Variants in CRHR2 observed in about 807,000 individuals in gnomAD.
The protein encoded by CRHR2 is corticotropin-releasing hormone receptor 2.
A neutral mutation model predicts 57.9 loss-of-function variants in CRHR2; 53 were observed. The ratio of observed to expected loss-of-function variants is 0.92; its 90% CI spans 0.73 to 1.15. CRHR2 has a LOEUF of 1.15. Among genes scored for constraint, CRHR2 ranks in the 50% most tolerant of loss-of-function variants. The probability of loss-of-function intolerance (pLI) is 0.00; values close to 1 mark genes in which losing one functional copy is unlikely to be tolerated. For synonymous variants in CRHR2, 213 were observed against 220.9 expected, an observed-to-expected ratio of 0.96 and a Z score of 0.32; for missense variants, 532 against 542.6, an observed-to-expected ratio of 0.98 and a Z score of 0.19.
chr7:30,672,324 C>T (rs550423842), intron 2 of CRHR2, among the ~76,000 whole-genome samples: 219 of 152,348 alleles, frequency 1.4e-3, no homozygotes, highest in African/African-American at 5.1e-3. Context: ...CTTTCCTAAC[C>T]AGCCCAGGTT....
Position 30,660,595 on chromosome 7 carries a change from C to A in CRHR2, c.809G>T (p.Gly270Val), listed in dbSNP as rs924774626. ...TACCAGGAGCACGAGAATGATGGGG[C>A]CTTGGTAGATGTAGTCCACCAGGTC... ...PGDLVDYIYQ[G>V]PIILVLLINF... is the part of the protein sequence containing the mutation. Residue 270 changes from glycine to valine, a missense_variant, in exon 8 of 12, where the codon GGC (glycine) becomes GTC (valine). Coordinates refer to ENST00000471646, the MANE Select transcript of CRHR2 (RefSeq NM_001883.5). The A allele has an allele frequency of 1.3e-6, 2 of 1,569,904 alleles. No homozygotes were observed. The highest frequency in any genetic ancestry group is 3.7e-5 in the Admixed American group (2 of 53,412).
intron 5 of CRHR2, 89 bp downstream of exon 5, chr7:30,664,981 G>A: frequency 9.9e-7 from 1 of 1,014,998 alleles, no homozygotes; most frequent in Non-Finnish European, 1.6e-6. Context: ...TGACAAAGGA[G>A]GGGTCCAAGC....
chr7:30,667,732 C>A (rs946586949), intron 2 of CRHR2, among the ~76,000 whole-genome samples: 1 of 152,172 alleles, frequency 6.6e-6, no homozygotes, highest in African/African-American at 2.4e-5. Flanking sequence ...TAATAGCTAC[C>A]ATTTATATAG....
chr7:30,659,849 A>G (rs1257685902), intron 8 of CRHR2, among the ~76,000 whole-genome samples: 1 of 152,250 alleles, frequency 6.6e-6, no homozygotes, highest in Non-Finnish European at 1.5e-5. Flanking sequence ...AAGCTGGTAC[A>G]TACAGGAGCC....
In CRHR2 at chr7:30,653,749, C is replaced by T. The variant is rs1783672358; in HGVS notation, c.1096-149G>A. ...TTCCAAAACAGGTCCTTCCCTGATG[C>T]TGTTGCCTCTCTCCAGGGGCCTCTT... is the stretch of plus-strand genomic sequence containing the variant. On this transcript the variant is annotated intron_variant, in intron 11 of 11. Transcript: ENST00000471646. This position sits in a 1 kb window ranked among gnomAD's most constrained non-coding sequence, Gnocchi z 5.0. 1.5e-5 allele frequency: 14 copies of T among 934,976 alleles called. No individual in the cohort carries two copies. In the East Asian group the frequency reaches 1.9e-4, roughly 13 times the overall value. 57.9% of individuals were successfully genotyped at this position (934,976 alleles called of 1,614,324 possible).
In CRHR2 at chr7:30,662,189, C is replaced by T. The variant is rs1157569338; in HGVS notation, c.725G>A (p.Trp242Ter). The T allele has an allele frequency of 2.5e-6, 4 of 1,614,146 alleles. No individual in the cohort carries two copies. The highest frequency in any genetic ancestry group is 3.4e-6 in the Non-Finnish European group (4 of 1,180,026). Residue 242 changes from tryptophan (W) to a stop codon, truncating the protein, a stop_gained, in exon 7 of 12, where the codon TGG becomes TAG. Coordinates refer to ENST00000471646, the MANE Select transcript of CRHR2 (RefSeq NM_001883.5). LOFTEE classifies it high-confidence loss of function. ...CTCATAGTAGAGCTTGCCGATGGCC[C>T]AGGCGACGATGATGGGGAAGGGGAT... ...WCIPFPIIVA[W>*]AIGKLYYENE...
At position 30,653,751 on chromosome 7, in the gene CRHR2, G is replaced by T; in HGVS notation, c.1096-151C>A. ...CCAAAACAGGTCCTTCCCTGATGCT[G>T]TTGCCTCTCTCCAGGGGCCTCTTCC... On this transcript the variant is annotated intron_variant, in intron 11 of 11. Coordinates refer to ENST00000471646, the MANE Select transcript of CRHR2 (RefSeq NM_001883.5). This position sits in a 1 kb window ranked among gnomAD's most constrained non-coding sequence, Gnocchi z 5.0. The T allele has an allele frequency of 2.2e-6, 2 of 924,324 alleles. No individual in the cohort carries two copies. The highest frequency in any genetic ancestry group is 3.1e-6 in the Non-Finnish European group (2 of 637,224). 57.3% of individuals were successfully genotyped at this position (924,324 alleles called of 1,614,324 possible). A position where few individuals can be genotyped will look rare whatever the true frequency, so the allele number is the denominator to read the frequency against.
At chr7:30,686,312 G>A (rs1784855624), upstream of CRHR2, 1 of 1,418,050 alleles carries the variant, frequency 7.1e-7, no homozygotes, top group South Asian at 1.6e-5. Flanking sequence ...GCTGGTCCTG[G>A]TTCACTAACC....
Position 30,665,543 on chromosome 7 carries a change from A to G in CRHR2, c.412T>C (p.Phe138Leu), listed in dbSNP as rs373554796. The change falls in exon 4 of 12, where the codon TTC becomes CTC. Residue 138 changes from phenylalanine (F) to leucine (L), a missense_variant. Phe to Leu is a conservative substitution (Grantham distance 22). Transcript: ENST00000471646. This position sits in a 1 kb window ranked among gnomAD's most constrained non-coding sequence, Gnocchi z 4.5. ...VAALVAAFLL[F>L]LALRSIRCLR... ...GGGCAGACTCACCGCAGGGCCAGGAAAAGCAGGAAGGCGGCCACCAGGGCT... is the reference window on the plus strand; with the variant it reads ...GGGCAGACTCACCGCAGGGCCAGGAGAAGCAGGAAGGCGGCCACCAGGGCT... The G allele has an allele frequency of 1.6e-4, 256 of 1,560,172 alleles. No individual in the cohort carries two copies. Among genetic ancestry groups the G allele is most frequent in the East Asian group, 4.8e-4 (20 of 41,536 alleles).
rs564424290 is a variant in CRHR2 at position 30,667,370 on chromosome 7, C to G, written c.230-57G>C. 225 of 1,465,810 alleles carry G rather than the reference C, an allele frequency of 1.5e-4. 1 individual carries two copies. The South Asian group carries it at 1.7e-3, about 11-fold the overall frequency. The allele number at this position is 1,465,810 out of a possible 1,614,324, so 90.8% of individuals were successfully genotyped here. ...TCACTCCCCTCCTCAAGAACCCTCC[C>G]TGGCTCCCTGGTGCCCACAGGATAA... is the stretch of plus-strand genomic sequence containing the variant. On this transcript the variant is annotated intron_variant, in intron 2 of 11. Coordinates refer to ENST00000471646, the MANE Select transcript of CRHR2 (RefSeq NM_001883.5).
At position 30,656,254 on chromosome 7, in the gene CRHR2, G is replaced by T. The variant is rs1324387593; in HGVS notation, c.832-242C>A. ...CAGCCCAGGACTGAGGAGGAAAGGT[G>T]GCAGCCTCTGTGGGTCGTGACCGAG... is the stretch of plus-strand genomic sequence containing the variant. On this transcript the variant is annotated intron_variant, in intron 8 of 11. Coordinates refer to ENST00000471646, the MANE Select transcript of CRHR2 (RefSeq NM_001883.5). This position sits in a 1 kb window ranked among gnomAD's most constrained non-coding sequence, Gnocchi z 4.4. 6.6e-6 allele frequency among the ~76,000 whole-genome samples: 1 copy of T among 152,166 alleles called. No homozygotes were observed. The highest frequency in any genetic ancestry group is 1.5e-5 in the Non-Finnish European group (1 of 68,018).
At chr7:30,684,523 G>C (rs1435580711), upstream of CRHR2, among the ~76,000 whole-genome samples, 1 of 152,188 alleles carries the variant, frequency 6.6e-6, no homozygotes, top group Non-Finnish European at 1.5e-5. Context: ...CAGAACAGAG[G>C]GTTGGCCTGG....
At chr7:30,669,796 A>G (rs776407825) in intron 2 of CRHR2, among the ~76,000 whole-genome samples, 2 of 152,218 alleles carry the variant, frequency 1.3e-5, no homozygotes, top group Non-Finnish European at 2.9e-5. Flanking sequence ...CTTGACACCC[A>G]GGTCCCAGCC....
At chr7:30,694,372 G>A (rs529645067) in intron 1 of CRHR2, among the ~76,000 whole-genome samples, 18 of 152,328 alleles carry the variant, frequency 1.2e-4, no homozygotes, top group African/African-American at 3.4e-4. Context: ...TGAGAGCCAA[G>A]ACTCCAGCTG....
intron 1 of CRHR2, among the ~76,000 whole-genome samples, chr7:30,695,102 C>T (rs1234589773): frequency 7.1e-5 from 9 of 126,388 alleles, no homozygotes; most frequent in African/African-American, 1.3e-4. Flanking sequence ...AGGGGGAGGA[C>T]GAGGCAGTCA....
intron 2 of CRHR2, among the ~76,000 whole-genome samples, chr7:30,678,837 T>C (rs1036800060): frequency 3.3e-5 from 5 of 152,184 alleles, no homozygotes; most frequent in Non-Finnish European, 7.3e-5. Flanking sequence ...TTCAACCTCA[T>C]TTGCTCTTAC....
intron 2 of CRHR2, among the ~76,000 whole-genome samples, chr7:30,668,239 T>C (rs1784247067): frequency 6.6e-6 from 1 of 152,176 alleles, no homozygotes. Context: ...GCTCCAACTG[T>C]CAAGGTCTGG....
At chr7:30,661,595 C>T (rs1228758620) in intron 7 of CRHR2, among the ~76,000 whole-genome samples, 1 of 152,218 alleles carries the variant, frequency 6.6e-6, no homozygotes, top group Non-Finnish European at 1.5e-5. Flanking sequence ...CTGGTCCCCG[C>T]TGCTCTCAGC....
chr7:30,687,630 A>G (rs2128150281), intron 2 of CRHR2, among the ~76,000 whole-genome samples: 1 of 152,200 alleles, frequency 6.6e-6, no homozygotes, highest in African/African-American at 2.4e-5. Flanking sequence ...CCCTTTTGCA[A>G]ATGGATGAAT....
Sources: allele counts gnomAD v4.1 joint callset (sites outside exome capture counted in the v4.1 genomes callset), GRCh38; gene constraint gnomAD v4.1.1; non-coding constraint Gnocchi (gnomAD v3.1); transcripts MANE v1.5; gene names NCBI Gene and HGNC (gene_info 2026-07-23, HGNC 2026-07-21).